Variants in OR10G4 observed in about 807,000 individuals in gnomAD.
OR10G4 encodes olfactory receptor family 10 subfamily G member 4.
For synonymous variants in OR10G4, 130 were observed against 159.3 expected, an observed-to-expected ratio of 0.82 and a Z score of 1.39; for missense variants, 318 against 388.8, an observed-to-expected ratio of 0.82 and a Z score of 1.53.
chr11:124,014,302 ACT>A (rs1358056258), intron 1 of OR10G4, among the ~76,000 whole-genome samples: 1 of 152,142 alleles, frequency 6.6e-6, no homozygotes, highest in African/African-American at 2.4e-5. Context: ...TAGATTAAGG[ACT>A]CTCTGAAAAC....
At position 124,018,587 on chromosome 11, in the gene OR10G4, T is replaced by C. The variant is rs1005240167; in HGVS notation, c.*2077T>C. On this transcript the variant is annotated 3_prime_UTR_variant, in exon 2 of 2. Coordinates refer to ENST00000641722, the MANE Select transcript of OR10G4 (RefSeq NM_001004462.2). ...TGGTGTATATGTGCCACATTTTCTT[T>C]ATCCAGTCTATCATTGATGGACATT... 6.6e-6 allele frequency: 1 copy of C among 152,202 alleles called. No individual in the cohort carries two copies. Among genetic ancestry groups the C allele is most frequent in the East Asian group, 1.9e-4 (1 of 5,196 alleles). 9.4% of individuals were successfully genotyped at this position (152,202 alleles called of 1,614,324 possible).
Position 124,015,908 on chromosome 11 carries a change from T to C in OR10G4, c.334T>C (p.Phe112Leu). The change falls in exon 2 of 2, where the codon TTC (phenylalanine) becomes CTC (leucine). Residue 112 changes from phenylalanine (F) to leucine (L), a missense_variant. Physicochemically the swap from Phe to Leu is conservative, Grantham distance 22. Transcript: ENST00000641722. ...CCACTTCCTGGGGAGCACCGAGTGT[T>C]TCCTCTACACAGTCATGTCCTATGA... ...FFHFLGSTEC[F>L]LYTVMSYDRY... 1 of 1,613,608 alleles carries C rather than the reference T, an allele frequency of 6.2e-7. No homozygotes were observed. Among genetic ancestry groups the C allele is most frequent in the Non-Finnish European group, 8.5e-7 (1 of 1,179,758 alleles).
At position 124,015,685 on chromosome 11, in the gene OR10G4, G is replaced by A. The variant is rs1376873909; in HGVS notation, c.111G>A (p.Val37=). ...TCCTGGTGGTTTACGTGCTCACTGT[G>A]CTGGGGAACCTCCTCATCCTGCTGG... The part of the protein sequence containing the change: ...GIFLVVYVLT[V]LGNLLILLVI... The change falls in exon 2 of 2, where the codon GTG becomes GTA. Residue 37 remains valine (V), a synonymous_variant. Coordinates refer to ENST00000641722, the MANE Select transcript of OR10G4 (RefSeq NM_001004462.2). 3.1e-6 allele frequency: 5 copies of A among 1,610,534 alleles called. No homozygotes were observed. Among genetic ancestry groups the A allele is most frequent in the Middle Eastern group, 3.3e-4 (2 of 6,048 alleles).
In OR10G4 at chr11:124,016,298, TC is replaced by T; in HGVS notation, c.727del (p.His243ThrfsTer17). On this transcript the variant is annotated frameshift_variant, in exon 2 of 2. Coordinates refer to ENST00000641722, the MANE Select transcript of OR10G4 (RefSeq NM_001004462.2). LOFTEE classifies it low-confidence loss of function (END_TRUNC). ...GRRRAFQTCASHCIVVLCFFV... is the reference protein window; with the variant it reads ...GRRRAFQTCAXHCIVVLCFFV... ...GCGCAGAGCCTTTCAGACCTGTGCC[TC>T]CCACTGTATTGTGGTCCTTTGCTTC... 6.2e-7 allele frequency: 1 copy of T among 1,614,194 alleles called. No homozygotes were observed. The highest frequency in any genetic ancestry group is 1.1e-5 in the South Asian group (1 of 91,074).
chr11:124,016,756 A>G lies in OR10G4; in HGVS notation c.*246A>G, dbSNP rs1295412136. The G allele has an allele frequency of 2.0e-5, 6 of 306,804 alleles. No individual in the cohort carries two copies. The highest frequency in any genetic ancestry group is 3.6e-5 in the Non-Finnish European group (6 of 167,508). 19.0% of individuals were successfully genotyped at this position (306,804 alleles called of 1,614,324 possible). The stretch of plus-strand genomic sequence containing the variant: ...ATCAATAGGTTTATATTAAGTTTAA[A>G]ACATATTTTAATCAAATCTCAGGGA... On this transcript the variant is annotated 3_prime_UTR_variant, in exon 2 of 2. Transcript: ENST00000641722.
chr11:124,017,721 A>G lies in OR10G4; in HGVS notation c.*1211A>G, dbSNP rs546923349. ...ATTCCAAGTAAAATCCCAGCGTTTGATTTTGCAGCTATGGACATGTGGATC... is the reference window on the plus strand; with the variant it reads ...ATTCCAAGTAAAATCCCAGCGTTTGGTTTTGCAGCTATGGACATGTGGATC... On this transcript the variant is annotated 3_prime_UTR_variant, in exon 2 of 2. Coordinates refer to ENST00000641722, the MANE Select transcript of OR10G4 (RefSeq NM_001004462.2). 6.6e-6 allele frequency: 1 copy of G among 152,300 alleles called. No individual in the cohort carries two copies. Among genetic ancestry groups the G allele is most frequent in the African/African-American group, 2.4e-5 (1 of 41,562 alleles). 9.4% of individuals were successfully genotyped at this position (152,300 alleles called of 1,614,324 possible). A position where few individuals can be genotyped will look rare whatever the true frequency, so the allele number is the denominator to read the frequency against.
intron 1 of OR10G4, among the ~76,000 whole-genome samples, chr11:124,014,145 G>A (rs527399762): frequency 4.3e-4 from 65 of 152,220 alleles, no homozygotes; most frequent in African/African-American, 1.6e-3. Context: ...AATTTGGGAG[G>A]TGGGAGGTTG....
intron 1 of OR10G4, chr11:124,015,300 A>G: frequency 2.0e-6 from 1 of 507,212 alleles, no homozygotes; most frequent in Non-Finnish European, 3.5e-6. Flanking sequence ...TTAATATATC[A>G]ATGGAAATCT....
intron 1 of OR10G4, 54 bp from the exon 2 acceptor site, chr11:124,015,494 G>A: frequency 6.8e-7 from 1 of 1,474,570 alleles, no homozygotes; most frequent in Non-Finnish European, 9.3e-7. Flanking sequence ...CATAGAGAAT[G>A]GATTCTCATT....
rs757495398 is a variant in OR10G4, at chr11:124,016,545, A to C, written c.*35A>C. 2 of 1,445,944 alleles carry C rather than the reference A, an allele frequency of 1.4e-6. No individual in the cohort carries two copies. Among genetic ancestry groups the C allele is most frequent in the Non-Finnish European group, 1.9e-6 (2 of 1,068,442 alleles). The allele number at this position is 1,445,944 out of a possible 1,614,324, so 89.6% of individuals were successfully genotyped here. Reference sequence around the variant, plus strand: ...AGTAAATACACTAGTTTGTTTAAAAATAGTAATCTAATTTAGTTATTCATG... The same window carrying C: ...AGTAAATACACTAGTTTGTTTAAAACTAGTAATCTAATTTAGTTATTCATG... On this transcript the variant is annotated 3_prime_UTR_variant, in exon 2 of 2. Coordinates refer to ENST00000641722, the MANE Select transcript of OR10G4 (RefSeq NM_001004462.2).
intron 1 of OR10G4, among the ~76,000 whole-genome samples, chr11:124,014,447 G>A (rs1040399063): frequency 1.3e-5 from 2 of 152,104 alleles, no homozygotes; most frequent in Admixed American, 1.3e-4. Context: ...ATTTAGTCAG[G>A]GAATTCCCTG....
At chr11:124,013,795 C>A (rs887179068) in intron 1 of OR10G4, among the ~76,000 whole-genome samples, 1 of 152,164 alleles carries the variant, frequency 6.6e-6, no homozygotes, top group African/African-American at 2.4e-5. Context: ...AATATATATC[C>A]TTCCTCTTGC....
At position 124,015,982 on chromosome 11, in the gene OR10G4, T is replaced by A. The variant is rs1173363048; in HGVS notation, c.408T>A (p.Ser136Arg). Reference sequence around the variant, plus strand: ...CGCTCAGGTACACCAGCATGATGAGTGGGAGCAGGTGTGCCCTCCTGGCCA... The same window carrying A: ...CGCTCAGGTACACCAGCATGATGAGAGGGAGCAGGTGTGCCCTCCTGGCCA... ...SYPLRYTSMM[S>R]GSRCALLATG... The change falls in exon 2 of 2, where the codon AGT becomes AGA. Residue 136 changes from serine (S) to arginine (R), a missense_variant. Physicochemically the swap from Ser to Arg is moderately radical, Grantham distance 110 (BLOSUM62 -1). Transcript: ENST00000641722. The A allele has an allele frequency of 6.2e-7, 1 of 1,613,866 alleles. No individual in the cohort carries two copies. The highest frequency in any genetic ancestry group is 8.5e-7 in the Non-Finnish European group (1 of 1,179,964).
At chr11:124,015,366 T>G in intron 1 of OR10G4, 182 bp from the exon 2 acceptor site, 4 of 628,770 alleles carry the variant, frequency 6.4e-6, no homozygotes, top group South Asian at 2.0e-5. Flanking sequence ...TGTGCACCTG[T>G]GTGCATGTGT....
intron 1 of OR10G4, among the ~76,000 whole-genome samples, chr11:124,013,533 T>C (rs10893127): frequency 1.3e-5 from 2 of 152,026 alleles, no homozygotes; most frequent in African/African-American, 4.8e-5. Flanking sequence ...TTTATTTACA[T>C]GTTTGAAAAC....
rs545628853 is a variant in OR10G4, at chr11:124,014,650, G to A, written c.-27-898G>A. On this transcript the variant is annotated intron_variant, in intron 1 of 1. Coordinates refer to ENST00000641722, the MANE Select transcript of OR10G4 (RefSeq NM_001004462.2). The stretch of plus-strand genomic sequence containing the variant: ...TGCTGATAATTTATCAGCGAGGTGG[G>A]TGATGTTAGTGATGTCAAATATAAT... Among the ~76,000 whole-genome samples, 4 of 152,302 alleles carry A rather than the reference G, an allele frequency of 2.6e-5. No homozygotes were observed. In the South Asian group the frequency reaches 8.3e-4, roughly 32 times the overall value.
chr11:124,013,842 A>G (rs1321068905), intron 1 of OR10G4, among the ~76,000 whole-genome samples: 2 of 152,218 alleles, frequency 1.3e-5, no homozygotes, highest in Admixed American at 6.5e-5. Flanking sequence ...GGCAGGTATT[A>G]AAAAAGAAAC....
At position 124,016,541 on chromosome 11, in the gene OR10G4, A is replaced by T; in HGVS notation, c.*31A>T. On this transcript the variant is annotated 3_prime_UTR_variant, in exon 2 of 2. Transcript: ENST00000641722. ...AGGAAGTAAATACACTAGTTTGTTTAAAAATAGTAATCTAATTTAGTTATT... is the reference window on the plus strand; with the variant it reads ...AGGAAGTAAATACACTAGTTTGTTTTAAAATAGTAATCTAATTTAGTTATT... The T allele has an allele frequency of 6.9e-7, 1 of 1,456,246 alleles. No individual in the cohort carries two copies. Among genetic ancestry groups the T allele is most frequent in the Non-Finnish European group, 9.3e-7 (1 of 1,076,496 alleles). The allele number at this position is 1,456,246 out of a possible 1,614,324, so 90.2% of individuals were successfully genotyped here. A position where few individuals can be genotyped will look rare whatever the true frequency, so the allele number is the denominator to read the frequency against.
At position 124,015,779 on chromosome 11, in the gene OR10G4, A is replaced by G. The variant is rs373442498; in HGVS notation, c.205A>G (p.Met69Val). ...YFLTNLSFID[M>V]WFSTVTVPKM... is the part of the protein sequence containing the mutation. ...CCTCACCAACCTGTCCTTCATTGACATGTGGTTCTCCACTGTCACGGTGCC... is the reference window on the plus strand; with the variant it reads ...CCTCACCAACCTGTCCTTCATTGACGTGTGGTTCTCCACTGTCACGGTGCC... The change falls in exon 2 of 2, where the codon ATG (methionine) becomes GTG (valine). Residue 69 changes from methionine to valine, a missense_variant. Physicochemically the swap from Met to Val is conservative, Grantham distance 21. Transcript: ENST00000641722. 24 of 1,603,942 alleles carry G rather than the reference A, an allele frequency of 1.5e-5. No homozygotes were observed. The South Asian group carries it at 1.8e-4, about 12-fold the overall frequency.
Sources: allele counts gnomAD v4.1 joint callset (sites outside exome capture counted in the v4.1 genomes callset), GRCh38; gene constraint gnomAD v4.1.1; transcripts MANE v1.5; gene names NCBI Gene and HGNC (gene_info 2026-07-23, HGNC 2026-07-21).